LARP4B: variants seen among roughly 807,000 people sequenced by gnomAD.
LARP4B encodes the protein la-related protein 4B.
In LARP4B, 12 loss-of-function variants were observed where a neutral mutation model predicts 89.8. The observed-to-expected ratio is 0.13, with a 90% confidence interval of 0.09 to 0.22. LARP4B has a LOEUF of 0.22. Ranked by LOEUF, LARP4B falls within the 10% of genes least tolerant of loss-of-function variation. LARP4B has a pLI of 1.00. For missense variants in LARP4B, 757 were observed against 947.7 expected (o/e 0.80, Z 2.64); for synonymous variants, 367 against 363.3 (o/e 1.01, Z -0.12).
At position 814,415 on chromosome 10, in the gene LARP4B, A is replaced by G. The variant is rs764052583; in HGVS notation, c.1929+327T>C. On this transcript the variant is annotated intron_variant, in intron 17 of 17. Transcript: ENST00000316157. This position sits in a 1 kb window ranked among gnomAD's most constrained non-coding sequence, Gnocchi z 4.4. ...ACGATGCGCGCGCACGCACGCAAAC[A>G]TACACACACGCGCGAAATGCTGAAA... 64 of 397,952 alleles carry G rather than the reference A, an allele frequency of 1.6e-4. No homozygotes were observed. Among genetic ancestry groups the G allele is most frequent in the Non-Finnish European group, 2.5e-4 (51 of 200,750 alleles). 24.7% of individuals were successfully genotyped at this position (397,952 alleles called of 1,614,324 possible). A position where few individuals can be genotyped will look rare whatever the true frequency, so the allele number is the denominator to read the frequency against.
chr10:884,307 T>C lies in LARP4B; in HGVS notation c.141+140A>G, dbSNP rs752255803. 6 of 698,642 alleles carry C rather than the reference T, an allele frequency of 8.6e-6. No homozygotes were observed. In the Admixed American group the frequency reaches 1.1e-4, roughly 13 times the overall value. The allele number at this position is 698,642 out of a possible 1,614,324, so 43.3% of individuals were successfully genotyped here. ...TTACCATACCCAGGGGTTGTGGTGATGAATGGATCCCCTACCACAACTTTT... is the reference window on the plus strand; with the variant it reads ...TTACCATACCCAGGGGTTGTGGTGACGAATGGATCCCCTACCACAACTTTT... On this transcript the variant is annotated intron_variant, in intron 3 of 17. Coordinates refer to ENST00000316157, the MANE Select transcript of LARP4B (RefSeq NM_015155.3).
intron 7 of LARP4B, among the ~76,000 whole-genome samples, chr10:837,346 AT>A (rs1013054236): frequency 1.3e-5 from 2 of 152,212 alleles, no homozygotes; most frequent in African/African-American, 4.8e-5. Flanking sequence ...ATAAAGACAT[AT>A]TCTGTGCTTG....
chr10:918,110 A>G (rs1197147356), intron 1 of LARP4B, among the ~76,000 whole-genome samples: 1 of 152,208 alleles, frequency 6.6e-6, no homozygotes, highest in Non-Finnish European at 1.5e-5. Context: ...TGAAATTCAA[A>G]GACTACAGAA....
chr10:811,953 G>C lies in LARP4B; in HGVS notation c.*973C>G, dbSNP rs1831753940. ...TTATCCTCCACCAGCCAAAGAGGGGGAAAAACCACAAACACCATTCTCTCA... is the reference window on the plus strand; with the variant it reads ...TTATCCTCCACCAGCCAAAGAGGGGCAAAAACCACAAACACCATTCTCTCA... On this transcript the variant is annotated 3_prime_UTR_variant, in exon 18 of 18. Transcript: ENST00000316157. 6.6e-6 allele frequency: 1 copy of C among 152,332 alleles called. No individual in the cohort carries two copies. The highest frequency in any genetic ancestry group is 1.5e-5 in the Non-Finnish European group (1 of 68,038). The allele number at this position is 152,332 out of a possible 1,614,324, so 9.4% of individuals were successfully genotyped here. A position where few individuals can be genotyped will look rare whatever the true frequency, so the allele number is the denominator to read the frequency against.
chr10:817,957 A>G, intron 14 of LARP4B, 68 bp from the exon 15 acceptor site: 1 of 1,450,714 alleles, frequency 6.9e-7, no homozygotes, highest in Non-Finnish European at 9.5e-7. Context: ...TCGTTTCCAC[A>G]CCTGTCTGGA....
intron 1 of LARP4B, among the ~76,000 whole-genome samples, chr10:927,239 T>C (rs868677072): frequency 6.6e-6 from 1 of 150,944 alleles, no homozygotes; most frequent in Admixed American, 6.6e-5. Context: ...GAAGACAGAG[T>C]TTATAAAGGC....
chr10:949,221 A>G, the LARP4B span, among the ~76,000 whole-genome samples: 109 of 131,198 alleles, frequency 8.3e-4, no homozygotes, highest in African/African-American at 2.8e-3. Flanking sequence ...TTTTCCAGGC[A>G]GCTGTACCAT....
chr10:927,764 C>G (rs1218991056), intron 1 of LARP4B, among the ~76,000 whole-genome samples: 1 of 152,172 alleles, frequency 6.6e-6, no homozygotes, highest in Non-Finnish European at 1.5e-5. Flanking sequence ...CATGTCTTCT[C>G]CCCATTGGAA....
intron 1 of LARP4B, among the ~76,000 whole-genome samples, chr10:889,709 G>A (rs1196855148): frequency 6.6e-6 from 1 of 152,180 alleles, no homozygotes; most frequent in Non-Finnish European, 1.5e-5. Context: ...CAACACTTTG[G>A]GAGGCTGAGG....
In LARP4B at chr10:868,087, G is replaced by A. The variant is rs553457596; in HGVS notation, c.142-3817C>T. On this transcript the variant is annotated intron_variant, in intron 3 of 17. Coordinates refer to ENST00000316157, the MANE Select transcript of LARP4B (RefSeq NM_015155.3). Reference sequence around the variant, plus strand: ...AATATGCTCCACTTTGAAAAATAACGTATCAATTAATAAGCTTGTATAACT... The same window carrying A: ...AATATGCTCCACTTTGAAAAATAACATATCAATTAATAAGCTTGTATAACT... Among the ~76,000 whole-genome samples, 11 of 151,754 alleles carry A rather than the reference G, an allele frequency of 7.2e-5. No homozygotes were observed. In the South Asian group the frequency reaches 1.9e-3, roughly 26 times the overall value.
chr10:988,170 A>C, the LARP4B span: 1 of 328,002 alleles, frequency 3.0e-6, no homozygotes, highest in East Asian at 6.3e-5. Flanking sequence ...CCGCTCCAGA[A>C]ACCCGCAGGG....
the LARP4B span, among the ~76,000 whole-genome samples, chr10:966,022 T>C: frequency 2.0e-5 from 3 of 151,572 alleles, no homozygotes; most frequent in Non-Finnish European, 4.4e-5. Flanking sequence ...TGTAGATGAA[T>C]TGAATACACA....
upstream of LARP4B, among the ~76,000 whole-genome samples, chr10:935,014 T>A (rs1444557437): frequency 1.3e-5 from 2 of 152,098 alleles, no homozygotes; most frequent in Non-Finnish European, 2.9e-5. Context: ...AAGTCCAAGT[T>A]CTCCTGTGGA....
At position 814,681 on chromosome 10, in the gene LARP4B, G is replaced by A. The variant is rs746742022; in HGVS notation, c.1929+61C>T. ...AAACGAGCAGGTGCAGGAGTGCGCA[G>A]CGTCTGTTCACACCAGAGCCTCGCG... On this transcript the variant is annotated intron_variant, in intron 17 of 17. Coordinates refer to ENST00000316157, the MANE Select transcript of LARP4B (RefSeq NM_015155.3). The surrounding 1 kb of genome is among the most constrained non-coding windows in gnomAD (Gnocchi z 4.4). 1 of 1,554,412 alleles carries A rather than the reference G, an allele frequency of 6.4e-7. No individual in the cohort carries two copies. Among genetic ancestry groups the A allele is most frequent in the Admixed American group, 2.0e-5 (1 of 51,266 alleles).
At chr10:901,436 G>A (rs1011210251) in intron 1 of LARP4B, among the ~76,000 whole-genome samples, 2 of 152,136 alleles carry the variant, frequency 1.3e-5, no homozygotes, top group Non-Finnish European at 2.9e-5. Flanking sequence ...GAGCACCTTA[G>A]GGCAGATTAT....
intron 5 of LARP4B, among the ~76,000 whole-genome samples, chr10:860,364 C>T (rs1834537539): frequency 6.6e-6 from 1 of 152,158 alleles, no homozygotes; most frequent in Non-Finnish European, 1.5e-5. Flanking sequence ...CTTTAATCCA[C>T]CACTGGTTGA....
intron 5 of LARP4B, among the ~76,000 whole-genome samples, chr10:858,663 A>G (rs1284625427): frequency 6.6e-6 from 1 of 152,248 alleles, no homozygotes; most frequent in Non-Finnish European, 1.5e-5. Flanking sequence ...GGATTAATAC[A>G]CAGAATATAT....
the LARP4B span, chr10:971,219 T>C: frequency 6.6e-6 from 1 of 152,196 alleles, no homozygotes; most frequent in African/African-American, 2.4e-5. Context: ...AAAAGAAACT[T>C]TTCCTTCCTT....
the LARP4B span, among the ~76,000 whole-genome samples, chr10:967,870 T>A: frequency 6.6e-6 from 1 of 152,138 alleles, no homozygotes; most frequent in Non-Finnish European, 1.5e-5. Flanking sequence ...CCCATTAATT[T>A]TTTGTGTTTT....
Sources: allele counts gnomAD v4.1 joint callset (sites outside exome capture counted in the v4.1 genomes callset), GRCh38; gene constraint gnomAD v4.1.1; non-coding constraint Gnocchi (gnomAD v3.1); transcripts MANE v1.5; gene names NCBI Gene and HGNC (gene_info 2026-07-23, HGNC 2026-07-21).